The following SLC25A26 variants were observed in gnomAD, a reference collection of about 807,000 sequenced individuals.
The protein encoded by SLC25A26 is solute carrier family 25 member 26.
In SLC25A26, 36 loss-of-function variants were observed where a neutral mutation model predicts 37.8. The ratio of observed to expected loss-of-function variants is 0.95; its 90% confidence interval spans 0.73 to 1.26. SLC25A26 has a LOEUF of 1.26. Ranked by LOEUF, SLC25A26 falls within the 50% of genes most tolerant of loss-of-function variation. SLC25A26 has a pLI of 0.00. For missense variants in SLC25A26, 390 were observed against 331.1 expected (o/e 1.18, Z -1.38); for synonymous variants, 129 against 122.5 (o/e 1.05, Z -0.35).
intron 3 of SLC25A26, among the ~76,000 whole-genome samples, chr3:66,258,827 T>C: frequency 6.7e-6 from 1 of 149,620 alleles, no homozygotes; most frequent in East Asian, 2.0e-4. Context: ...TCTCTCTTTT[T>C]TCTTCTCTTT....
At chr3:66,300,847 T>C (rs1048759040) in intron 5 of SLC25A26, among the ~76,000 whole-genome samples, 1 of 152,230 alleles carries the variant, frequency 6.6e-6, no homozygotes, top group Non-Finnish European at 1.5e-5. Flanking sequence ...CTTGTTGCAT[T>C]CACTTGTTAA....
intron 5 of SLC25A26, among the ~76,000 whole-genome samples, chr3:66,333,138 A>T (rs1424074980): frequency 2.0e-5 from 3 of 152,146 alleles, no homozygotes; most frequent in Admixed American, 2.0e-4. Flanking sequence ...TCAGGAATTT[A>T]GTAGGATGTG....
At chr3:66,154,319 T>C (rs1044620819) in intron 1 of SLC25A26, among the ~76,000 whole-genome samples, 4 of 152,134 alleles carry the variant, frequency 2.6e-5, no homozygotes, top group African/African-American at 9.7e-5. Context: ...TGCATTGTTT[T>C]GGCAGAGATT....
chr3:66,154,476 T>C (rs905775817), intron 1 of SLC25A26, among the ~76,000 whole-genome samples: 5 of 152,006 alleles, frequency 3.3e-5, no homozygotes, highest in Admixed American at 6.6e-5. Flanking sequence ...ACCCTGGGCT[T>C]TGGAGACAGA....
At chr3:66,327,916 C>T (rs2075878679) in intron 5 of SLC25A26, among the ~76,000 whole-genome samples, 2 of 148,888 alleles carry the variant, frequency 1.3e-5, no homozygotes, top group Admixed American at 6.7e-5. Flanking sequence ...AATGAAGATA[C>T]AAAAAATAAT....
chr3:66,225,310 C>A (rs1003715691), intron 1 of SLC25A26, among the ~76,000 whole-genome samples: 1 of 152,244 alleles, frequency 6.6e-6, no homozygotes, highest in Non-Finnish European at 1.5e-5. Flanking sequence ...TTCTTGTCTT[C>A]TGCACACCCA....
rs1309490705 is a variant in SLC25A26 at position 66,300,251 on chromosome 3, G to GTTTTTTTTTTTTTTT, written c.453+36876_453+36877insTTTTTTTTTTTTTTT. On this transcript the variant is annotated intron_variant, in intron 5 of 9. Transcript: ENST00000354883. ...TGGACTTCTAGGCTAGGGTTTTTTT[G>GTTTTTTTTTTTTTTT]TTTTGTTTTTTTTTTTTTTTTTGGT... Among the ~76,000 whole-genome samples, 27 of 111,590 alleles carry GTTTTTTTTTTTTTTT rather than the reference G, an allele frequency of 2.4e-4. 1 individual carries two copies. The highest frequency in any genetic ancestry group is 3.7e-4 in the Non-Finnish European group (19 of 51,934). The allele number at this position is 111,590 out of a possible 152,430, so 73.2% of individuals were successfully genotyped here.
intron 5 of SLC25A26, among the ~76,000 whole-genome samples, chr3:66,329,610 A>G (rs1277553084): frequency 6.6e-6 from 1 of 152,152 alleles, no homozygotes; most frequent in Non-Finnish European, 1.5e-5. Flanking sequence ...AAGGAATTGG[A>G]TATTTATTAC....
chr3:66,172,032 C>G (rs2070507403), intron 1 of SLC25A26, among the ~76,000 whole-genome samples: 1 of 152,138 alleles, frequency 6.6e-6, no homozygotes, highest in Non-Finnish European at 1.5e-5. Flanking sequence ...TCCTGCGCTC[C>G]CCTCCTCTGA....
chr3:66,329,995 A>G (rs1024072061), intron 5 of SLC25A26, among the ~76,000 whole-genome samples: 2 of 152,158 alleles, frequency 1.3e-5, no homozygotes, highest in African/African-American at 4.8e-5. Context: ...AGAACCTCCT[A>G]TGTGCCAGAT....
intron 1 of SLC25A26, among the ~76,000 whole-genome samples, chr3:66,193,990 C>T (rs1219459453): frequency 1.3e-5 from 2 of 152,102 alleles, no homozygotes; most frequent in Non-Finnish European, 2.9e-5. Flanking sequence ...TGGAGCTTAA[C>T]GAAAATTCTT....
intron 5 of SLC25A26, among the ~76,000 whole-genome samples, chr3:66,309,442 A>T (rs1303167143): frequency 6.6e-6 from 1 of 151,846 alleles, no homozygotes; most frequent in African/African-American, 2.4e-5. Context: ...TAATCTTTTC[A>T]AAAAACCAGC....
intron 1 of SLC25A26, among the ~76,000 whole-genome samples, chr3:66,209,894 C>CTCTCTCTATA (rs1553656243): frequency 7.6e-5 from 1 of 13,192 alleles, no homozygotes; most frequent in African/African-American, 2.0e-4. Context: ...CTCTCTCTCT[C>CTCTCTCTATA]TATTTATATA....
At chr3:66,222,697 C>A (rs1274883831) in intron 1 of SLC25A26, among the ~76,000 whole-genome samples, 1 of 152,176 alleles carries the variant, frequency 6.6e-6, no homozygotes, top group Non-Finnish European at 1.5e-5. Context: ...CAAGTGAGAT[C>A]CATTTCGTCT....
At chr3:66,315,250 G>A (rs1006354014) in intron 5 of SLC25A26, among the ~76,000 whole-genome samples, 1 of 151,924 alleles carries the variant, frequency 6.6e-6, no homozygotes, top group African/African-American at 2.4e-5. Flanking sequence ...ACTTTTTGAT[G>A]TAGGCATTTA....
At chr3:66,176,523 A>C (rs1387051785) in intron 1 of SLC25A26, among the ~76,000 whole-genome samples, 1 of 152,222 alleles carries the variant, frequency 6.6e-6, no homozygotes, top group Non-Finnish European at 1.5e-5. Context: ...TAACTAAAAA[A>C]AATCAAATCA....
chr3:66,297,095 C>T (rs886856474), intron 5 of SLC25A26, among the ~76,000 whole-genome samples: 17 of 152,160 alleles, frequency 1.1e-4, no homozygotes, highest in East Asian at 9.7e-4. Flanking sequence ...GAGGCTGAGG[C>T]GGGTGGATCA....
Position 66,243,342 on chromosome 3 carries a change from T to C in SLC25A26, c.300+30T>C, listed in dbSNP as rs66918103. The C allele has an allele frequency of 0.2, 213,282 of 1,078,938 alleles. 24,141 individuals carry two copies. Among genetic ancestry groups the C allele is most frequent in the Non-Finnish European group, 0.23 (161,471 of 706,188 alleles). The allele number at this position is 1,078,938 out of a possible 1,614,324, so 66.8% of individuals were successfully genotyped here. ...GTAACAAGTTTTGTGTATAAAATAC[T>C]TCAGAAATGCACATCATGCATATAT... On this transcript the variant is annotated intron_variant, in intron 3 of 9. Transcript: ENST00000354883.
intron 1 of SLC25A26, among the ~76,000 whole-genome samples, chr3:66,176,525 AT>A (rs1457019074): frequency 6.6e-6 from 1 of 152,210 alleles, no homozygotes; most frequent in African/African-American, 2.4e-5. Flanking sequence ...ACTAAAAAAA[AT>A]CAAATCAGTC....
Sources: allele counts gnomAD v4.1 joint callset (sites outside exome capture counted in the v4.1 genomes callset), GRCh38; gene constraint gnomAD v4.1.1; transcripts MANE v1.5; gene names NCBI Gene and HGNC (gene_info 2026-07-23, HGNC 2026-07-21).